The following NXPH1 variants were observed in gnomAD, a reference collection of about 807,000 sequenced individuals.
NXPH1 encodes the protein neurexophilin-1.
In NXPH1, 5 loss-of-function variants were observed where a neutral mutation model predicts 23.7. The observed-to-expected ratio is 0.21, with a 90% CI of 0.11 to 0.44. The LOEUF (loss-of-function observed/expected upper bound fraction) is 0.44. Ranked by LOEUF, NXPH1 falls within the 20% of genes least tolerant of loss-of-function variation. The probability of loss-of-function intolerance (pLI) is 0.99; values close to 1 mark genes in which losing one functional copy is unlikely to be tolerated. For synonymous variants in NXPH1, 144 were observed against 122.2 expected (o/e 1.18, Z -1.18); for missense variants, 324 against 321.6 (o/e 1.01, Z -0.06).
intron 2 of NXPH1, among the ~76,000 whole-genome samples, chr7:8,535,736 G>C (rs140983021): frequency 3.5e-3 from 527 of 152,008 alleles, no homozygotes; most frequent in African/African-American, 0.012. Flanking sequence ...TAAGGGATCA[G>C]GCAAAGCAGT....
chr7:8,516,065 C>T (rs562672122), intron 2 of NXPH1, among the ~76,000 whole-genome samples: 120 of 152,208 alleles, frequency 7.9e-4, no homozygotes, highest in African/African-American at 2.8e-3. Context: ...ATCTGTAACA[C>T]CATAGGCTAT....
chr7:8,492,766 T>G (rs1817270612), intron 2 of NXPH1, among the ~76,000 whole-genome samples: 1 of 151,996 alleles, frequency 6.6e-6, no homozygotes, highest in African/African-American at 2.4e-5. Flanking sequence ...GAGGGAGCAC[T>G]TAGAACTAAT....
chr7:8,723,983 A>G (rs1433652283), intron 2 of NXPH1, among the ~76,000 whole-genome samples: 1 of 152,262 alleles, frequency 6.6e-6, no homozygotes, highest in African/African-American at 2.4e-5. Flanking sequence ...GTAAGCAAGT[A>G]GATAAGTTAA....
chr7:8,563,481 A>C (rs1473979366), intron 2 of NXPH1, among the ~76,000 whole-genome samples: 2 of 151,766 alleles, frequency 1.3e-5, no homozygotes, highest in African/African-American at 4.8e-5. Flanking sequence ...TGAAAGCATA[A>C]TATGTTGATG....
rs1041052503 is a variant in NXPH1 at position 8,751,104 on chromosome 7, A to G, written c.151A>G (p.Lys51Glu). ...TLKHIWTESS[K>E]DLSISRLLSQ... ...AAAGCACATATGGACAGAAAGCAGC[A>G]AAGACTTGTCTATCAGCCGACTCCT... The change falls in exon 3 of 3, where the codon AAA (lysine) becomes GAA (glutamate). Residue 51 changes from lysine (K) to glutamate (E), a missense_variant. By Grantham distance (56) the Lys-to-Glu change is moderately conservative. Transcript: ENST00000405863. This position sits in a 1 kb window ranked among gnomAD's most constrained non-coding sequence, Gnocchi z 4.5. 1.2e-6 allele frequency: 2 copies of G among 1,613,760 alleles called. No homozygotes were observed. Among genetic ancestry groups the G allele is most frequent in the East Asian group, 2.2e-5 (1 of 44,896 alleles).
chr7:8,604,655 A>G (rs1314292491), intron 2 of NXPH1, among the ~76,000 whole-genome samples: 1 of 152,138 alleles, frequency 6.6e-6, no homozygotes, highest in Non-Finnish European at 1.5e-5. Context: ...TTATCATACT[A>G]TATATGCCTT....
chr7:8,560,157 G>A (rs1194500132), intron 2 of NXPH1, among the ~76,000 whole-genome samples: 16 of 151,728 alleles, frequency 1.1e-4, no homozygotes, highest in East Asian at 2.0e-4. Context: ...TTCAATATTC[G>A]TAGGATAGTC....
chr7:8,507,188 G>C (rs968929250), intron 2 of NXPH1, among the ~76,000 whole-genome samples: 3 of 151,640 alleles, frequency 2.0e-5, no homozygotes, highest in Admixed American at 2.0e-4. Flanking sequence ...TATATTTGGG[G>C]GTGGCGTGGG....
chr7:8,729,143 TTC>T (rs1780106566), intron 2 of NXPH1, among the ~76,000 whole-genome samples: 2 of 151,976 alleles, frequency 1.3e-5, no homozygotes, highest in South Asian at 2.1e-4. Context: ...GTTTATAGTA[TTC>T]TCTGATGGTA....
intron 2 of NXPH1, among the ~76,000 whole-genome samples, chr7:8,689,189 A>G (rs879714252): frequency 6.6e-6 from 1 of 152,140 alleles, no homozygotes; most frequent in Non-Finnish European, 1.5e-5. Context: ...AGTCAAGGGC[A>G]CTCAGCTTTG....
chr7:8,517,973 C>A lies in NXPH1; in HGVS notation c.54+82206C>A, dbSNP rs1341074170. On this transcript the variant is annotated intron_variant, in intron 2 of 2. Transcript: ENST00000405863. ...CTGAAGCAGTTTCTTTCCACCACTG[C>A]AATATTCATCAAACATGCAGATAAA... Among the ~76,000 whole-genome samples the A allele has an allele frequency of 3.3e-5, 5 of 152,176 alleles. No individual in the cohort carries two copies. The East Asian group carries it at 9.7e-4, about 29-fold the overall frequency.
At chr7:8,577,655 T>C (rs947811226) in intron 2 of NXPH1, among the ~76,000 whole-genome samples, 2 of 152,216 alleles carry the variant, frequency 1.3e-5, no homozygotes, top group African/African-American at 4.8e-5. Flanking sequence ...GGAAGCCAGC[T>C]TGAAGGCTTC....
chr7:8,537,155 A>G (rs375400468), intron 2 of NXPH1, among the ~76,000 whole-genome samples: 13 of 152,010 alleles, frequency 8.6e-5, no homozygotes, highest in African/African-American at 3.1e-4. Context: ...GAGTCTCTCA[A>G]TTACCTGGAC....
At chr7:8,657,975 C>G (rs1820608053) in intron 2 of NXPH1, among the ~76,000 whole-genome samples, 1 of 152,168 alleles carries the variant, frequency 6.6e-6, no homozygotes, top group African/African-American at 2.4e-5. Context: ...TTGCAGTGAG[C>G]CGAGATCGTG....
At position 8,435,789 on chromosome 7, in the gene NXPH1, G is replaced by A. The variant is rs1460466601; in HGVS notation, c.54+22G>A. On this transcript the variant is annotated intron_variant, in intron 2 of 2. Coordinates refer to ENST00000405863, the MANE Select transcript of NXPH1 (RefSeq NM_152745.3). This position sits in a 1 kb window ranked among gnomAD's most constrained non-coding sequence, Gnocchi z 5.9. Reference sequence around the variant, plus strand: ...CTTGGTAAGTCTTGGAAGGTTCGGGGCTTTCGCATTTTTACCCCGGCCGGG... The same window carrying A: ...CTTGGTAAGTCTTGGAAGGTTCGGGACTTTCGCATTTTTACCCCGGCCGGG... The A allele has an allele frequency of 6.2e-7, 1 of 1,613,264 alleles. No homozygotes were observed. The highest frequency in any genetic ancestry group is 8.5e-7 in the Non-Finnish European group (1 of 1,179,442).
At chr7:8,482,286 G>A (rs779059414) in intron 2 of NXPH1, among the ~76,000 whole-genome samples, 3 of 152,168 alleles carry the variant, frequency 2.0e-5, no homozygotes, top group Non-Finnish European at 2.9e-5. Flanking sequence ...CCTTCTGATT[G>A]TGCCTCAGTG....
At chr7:8,579,837 T>C (rs1818831876) in intron 2 of NXPH1, among the ~76,000 whole-genome samples, 1 of 152,208 alleles carries the variant, frequency 6.6e-6, no homozygotes, top group Non-Finnish European at 1.5e-5. Flanking sequence ...GGTCCAGCTA[T>C]AGCCATCCCT....
chr7:8,486,415 T>A (rs1817160366), intron 2 of NXPH1, among the ~76,000 whole-genome samples: 1 of 152,214 alleles, frequency 6.6e-6, no homozygotes, highest in Non-Finnish European at 1.5e-5. Flanking sequence ...GGCTGGCCTA[T>A]TGTTTTAGTA....
intron 2 of NXPH1, among the ~76,000 whole-genome samples, chr7:8,475,536 G>T (rs1816955033): frequency 6.6e-6 from 1 of 152,098 alleles, no homozygotes; most frequent in Admixed American, 6.6e-5. Flanking sequence ...GCAGAAAAGT[G>T]ATCCTCTGTG....
Sources: gnomAD v4.1 joint callset for allele counts (sites outside exome capture counted in the v4.1 genomes callset) on GRCh38, gnomAD v4.1.1 for gene constraint, Gnocchi (gnomAD v3.1) non-coding constraint, MANE v1.5 for transcripts, NCBI Gene and HGNC (gene_info 2026-07-23, HGNC 2026-07-21) for gene names.